The following FRMD5 variants were observed in gnomAD, a reference collection of about 807,000 sequenced individuals.
FRMD5 encodes the protein FERM domain-containing protein 5.
A neutral mutation model predicts 69.0 loss-of-function variants in FRMD5; 20 were observed. The ratio of observed to expected loss-of-function variants is 0.29; its 90% CI spans 0.20 to 0.42. FRMD5 has a LOEUF of 0.42. Among genes scored for constraint, FRMD5 ranks in the 10% least tolerant of loss-of-function variants. FRMD5 has a pLI of 1.00. For missense variants in FRMD5, 595 were observed against 708.6 expected, an observed-to-expected ratio of 0.84 and a Z score of 1.82; for synonymous variants, 271 against 260.1, an observed-to-expected ratio of 1.04 and a Z score of -0.40.
intron 1 of FRMD5, among the ~76,000 whole-genome samples, chr15:44,027,666 T>TTC (rs1555395810): frequency 6.7e-6 from 1 of 149,120 alleles, no homozygotes; most frequent in Admixed American, 6.7e-5. Flanking sequence ...TTTTTTTTTT[T>TTC]CCGAGACAGA....
chr15:44,044,003 A>G (rs1442947838), intron 1 of FRMD5, among the ~76,000 whole-genome samples: 1 of 152,218 alleles, frequency 6.6e-6, no homozygotes, highest in Non-Finnish European at 1.5e-5. Flanking sequence ...ACAGAATGGG[A>G]GAATATTTTT....
At chr15:43,911,147 C>G (rs911280690) in intron 4 of FRMD5, among the ~76,000 whole-genome samples, 4 of 152,202 alleles carry the variant, frequency 2.6e-5, no homozygotes, top group Non-Finnish European at 5.9e-5. Flanking sequence ...GGGTCACCTA[C>G]CATGGTGGCT....
chr15:43,970,938 A>C (rs1157230909), intron 1 of FRMD5, among the ~76,000 whole-genome samples: 1 of 152,086 alleles, frequency 6.6e-6, no homozygotes, highest in African/African-American at 2.4e-5. Context: ...TGGGAGGAAA[A>C]AATTCAGGCC....
intron 2 of FRMD5, among the ~76,000 whole-genome samples, chr15:43,923,006 A>G (rs1299825600): frequency 6.6e-6 from 1 of 152,216 alleles, no homozygotes; most frequent in Non-Finnish European, 1.5e-5. Context: ...TGGACCAAAC[A>G]AAGAAACACC....
At position 43,919,533 on chromosome 15, in the gene FRMD5, C is replaced by T; in HGVS notation, c.255G>A (p.Gln85=). 1 of 1,613,840 alleles carries T rather than the reference C, an allele frequency of 6.2e-7. No individual in the cohort carries two copies. The highest frequency in any genetic ancestry group is 1.3e-5 in the African/African-American group (1 of 75,002). The stretch of plus-strand genomic sequence containing the variant: ...CACGGAAGCACATGGTGAATGGAGG[C>T]TGGGCTGCAGAGAAAAAGAGGTGCT... ...TKSVVKQLRS[Q]PPFTMCFRVK... is the part of the protein sequence containing the mutation. The change falls in exon 4 of 14, where the codon CAG becomes CAA. Residue 85 remains glutamine (Q), a synonymous_variant. Coordinates refer to ENST00000417257, the MANE Select transcript of FRMD5 (RefSeq NM_032892.5).
At chr15:44,068,564 G>T (rs1595689892) in intron 1 of FRMD5, among the ~76,000 whole-genome samples, 1 of 152,206 alleles carries the variant, frequency 6.6e-6, no homozygotes, top group Admixed American at 6.5e-5. Flanking sequence ...AAAGAAAGCA[G>T]ATTAGTGGTT....
intron 1 of FRMD5, among the ~76,000 whole-genome samples, chr15:44,095,366 C>T (rs1206923379): frequency 6.6e-6 from 1 of 152,014 alleles, no homozygotes; most frequent in Non-Finnish European, 1.5e-5. Flanking sequence ...CGACACTTGG[C>T]TAATTTTTAA....
intron 13 of FRMD5, among the ~76,000 whole-genome samples, chr15:43,882,899 G>A (rs1245889387): frequency 1.3e-5 from 2 of 151,666 alleles, no homozygotes; most frequent in East Asian, 2.0e-4. Context: ...TCTGCCTTCC[G>A]GGTTCAAGCA....
chr15:44,168,841 C>T (rs1476224285), intron 1 of FRMD5, among the ~76,000 whole-genome samples: 1 of 152,158 alleles, frequency 6.6e-6, no homozygotes, highest in African/African-American at 2.4e-5. Flanking sequence ...CGCTAGGATC[C>T]TCTTCTGCCA....
chr15:44,018,259 A>G (rs72716064), intron 1 of FRMD5, among the ~76,000 whole-genome samples: 69 of 152,346 alleles, frequency 4.5e-4, no homozygotes, highest in South Asian at 6.2e-4. Context: ...TGGAATACAT[A>G]AACATAAACT....
intron 4 of FRMD5, among the ~76,000 whole-genome samples, chr15:43,910,661 C>T (rs928876197): frequency 1.3e-5 from 2 of 151,480 alleles, no homozygotes; most frequent in African/African-American, 4.9e-5. Context: ...GGGGCCAGCA[C>T]CTCTTTAAAT....
intron 7 of FRMD5, chr15:43,901,921 T>G (rs1222818898): frequency 2.2e-6 from 1 of 457,808 alleles, no homozygotes; most frequent in African/African-American, 2.0e-5. Context: ...AATTACCCAT[T>G]GCGGGGCCCT....
intron 1 of FRMD5, among the ~76,000 whole-genome samples, chr15:44,095,162 T>C (rs1463756927): frequency 6.6e-6 from 1 of 151,724 alleles, no homozygotes; most frequent in East Asian, 1.9e-4. Flanking sequence ...GGACTTGGAC[T>C]CCATTCATCT....
chr15:44,098,183 T>C (rs2076583038), intron 1 of FRMD5, among the ~76,000 whole-genome samples: 1 of 151,794 alleles, frequency 6.6e-6, no homozygotes, highest in Admixed American at 6.6e-5. Flanking sequence ...ATGATTATGT[T>C]ACTCTCTGTC....
At chr15:43,898,520 TGTAACAGGCCTCACTACTCCATGAA>T (rs2088968805) in intron 7 of FRMD5, among the ~76,000 whole-genome samples, 2 of 152,224 alleles carry the variant, frequency 1.3e-5, no homozygotes, top group South Asian at 4.1e-4. Context: ...GCTGGGCATC[TGTAACAGGCCTCACTACTCCATGAA>T]CCGTAACAGG....
At chr15:44,126,160 T>C (rs1022388560) in intron 1 of FRMD5, among the ~76,000 whole-genome samples, 1 of 152,170 alleles carries the variant, frequency 6.6e-6, no homozygotes, top group Non-Finnish European at 1.5e-5. Context: ...AGGATCATTT[T>C]CTCCTTTTCT....
chr15:43,912,302 G>A (rs558019753), intron 4 of FRMD5, among the ~76,000 whole-genome samples: 48 of 152,074 alleles, frequency 3.2e-4, no homozygotes, highest in South Asian at 8.3e-4. Context: ...CAAGAAAAAC[G>A]AAAGGAAAAA....
chr15:43,980,459 G>C (rs754736726), intron 1 of FRMD5, among the ~76,000 whole-genome samples: 8 of 152,160 alleles, frequency 5.3e-5, no homozygotes, highest in Non-Finnish European at 1.0e-4. Flanking sequence ...ACCTCCTAAA[G>C]TCTTTTCTGC....
At chr15:44,194,764 G>C in intron 1 of FRMD5, 189 bp downstream of exon 1, 1 of 680,226 alleles carries the variant, frequency 1.5e-6, no homozygotes, top group Non-Finnish European at 2.6e-6. Context: ...TGACACACCG[G>C]GTGCCAGGGC....
Sources: gnomAD v4.1 joint callset for allele counts (sites outside exome capture counted in the v4.1 genomes callset) on GRCh38, gnomAD v4.1.1 for gene constraint, MANE v1.5 for transcripts, NCBI Gene and HGNC (gene_info 2026-07-23, HGNC 2026-07-21) for gene names.